FARS2: variants seen among roughly 807,000 people sequenced by gnomAD.
The protein encoded by FARS2 is phenylalanine--tRNA ligase, mitochondrial.
Under a neutral mutation model 46.4 loss-of-function variants are expected in FARS2, and 40 were observed. The observed-to-expected ratio is 0.86, with a 90% CI of 0.67 to 1.12. The LOEUF (loss-of-function observed/expected upper bound fraction) is 1.12. FARS2 is among the 50% of genes most tolerant of loss of function. The probability of loss-of-function intolerance (pLI) is 0.00; values close to 1 mark genes in which losing one functional copy is unlikely to be tolerated. For synonymous variants in FARS2, 234 were observed against 214.9 expected (o/e 1.09, Z -0.78); for missense variants, 513 against 567.9 (o/e 0.90, Z 0.98).
intron 5 of FARS2, among the ~76,000 whole-genome samples, chr6:5,573,380 C>T (rs1212393240): frequency 6.6e-6 from 1 of 152,204 alleles, no homozygotes; most frequent in Non-Finnish European, 1.5e-5. Flanking sequence ...CTTTCCCTTG[C>T]TCCTTTCTTT....
At position 5,399,377 on chromosome 6, in the gene FARS2, T is replaced by C. The variant is rs1214012206; in HGVS notation, c.613-5165T>C. The stretch of plus-strand genomic sequence containing the variant: ...TTTTGGTAGAGATGGTGTTTCACCA[T>C]GTTGGCCAGGCTGGTCTTGAACTCC... On this transcript the variant is annotated intron_variant, in intron 2 of 6. Coordinates refer to ENST00000274680, the MANE Select transcript of FARS2 (RefSeq NM_006567.5). 4.6e-5 allele frequency among the ~76,000 whole-genome samples: 7 copies of C among 152,164 alleles called. No homozygotes were observed. In the East Asian group the frequency reaches 7.7e-4, roughly 17 times the overall value.
At chr6:5,508,471 A>G (rs1768231828) in intron 4 of FARS2, among the ~76,000 whole-genome samples, 1 of 151,844 alleles carries the variant, frequency 6.6e-6, no homozygotes, top group Non-Finnish European at 1.5e-5. Context: ...CAGAATGCAG[A>G]GAGGCCAGGA....
At chr6:5,437,442 G>C (rs570783424) in intron 4 of FARS2, among the ~76,000 whole-genome samples, 2 of 152,236 alleles carry the variant, frequency 1.3e-5, no homozygotes, top group Non-Finnish European at 2.9e-5. Flanking sequence ...GCTCAGAAAA[G>C]AGTAAGATTT....
chr6:5,452,358 A>G (rs1358706413), intron 4 of FARS2: 1 of 152,374 alleles, frequency 6.6e-6, no homozygotes, highest in Non-Finnish European at 1.5e-5. Flanking sequence ...TGAGGTCCAC[A>G]TGGCCTTTTG....
chr6:5,444,474 A>G (rs1178726202), intron 4 of FARS2, among the ~76,000 whole-genome samples: 11 of 70,994 alleles, frequency 1.5e-4, no homozygotes, highest in African/African-American at 3.0e-4. Context: ...CTCAAAAAAA[A>G]AAAAAAAAAA....
At chr6:5,294,363 C>T (rs1022364552) in intron 1 of FARS2, among the ~76,000 whole-genome samples, 1 of 152,128 alleles carries the variant, frequency 6.6e-6, no homozygotes, top group Non-Finnish European at 1.5e-5. Context: ...AACTCTCTAA[C>T]TGCGTTTTTC....
chr6:5,660,359 G>A (rs1777793084), intron 6 of FARS2, among the ~76,000 whole-genome samples: 1 of 152,194 alleles, frequency 6.6e-6, no homozygotes, highest in Non-Finnish European at 1.5e-5. Flanking sequence ...AGAGCAGTGA[G>A]CAGGCTGGGC....
At chr6:5,650,284 CA>C (rs1777288873) in intron 6 of FARS2, among the ~76,000 whole-genome samples, 1 of 128,974 alleles carries the variant, frequency 7.8e-6, no homozygotes, top group African/African-American at 3.0e-5. Flanking sequence ...TTTTTTGAGA[CA>C]GAGTCTCAAA....
At chr6:5,366,578 G>A (rs1191639800) in intron 1 of FARS2, among the ~76,000 whole-genome samples, 1 of 152,104 alleles carries the variant, frequency 6.6e-6, no homozygotes, top group Non-Finnish European at 1.5e-5. Flanking sequence ...AACTTTCATC[G>A]GCAAGCTGGG....
chr6:5,583,212 G>GA (rs1289272753), intron 5 of FARS2, among the ~76,000 whole-genome samples: 2 of 152,164 alleles, frequency 1.3e-5, no homozygotes, highest in African/African-American at 4.8e-5. Flanking sequence ...TTAGCAATTA[G>GA]AACCTCTAAA....
At chr6:5,276,222 A>G (rs1209556098) in intron 1 of FARS2, among the ~76,000 whole-genome samples, 1 of 152,188 alleles carries the variant, frequency 6.6e-6, no homozygotes, top group Non-Finnish European at 1.5e-5. Context: ...GTCTGGGAAG[A>G]TTTATTGTGC....
rs574807429 is a variant in FARS2, at chr6:5,545,634, G to A, written c.1065+294G>A. 4.6e-5 allele frequency among the ~76,000 whole-genome samples: 7 copies of A among 151,974 alleles called. No individual in the cohort carries two copies. In the East Asian group the frequency reaches 5.8e-4, roughly 13 times the overall value. ...TGCCTGCCACCCCGCAACAGGCCCC[G>A]GTGTGTGATGTTCCCCTCCCTGTGT... is the stretch of plus-strand genomic sequence containing the variant. On this transcript the variant is annotated intron_variant, in intron 5 of 6. Coordinates refer to ENST00000274680, the MANE Select transcript of FARS2 (RefSeq NM_006567.5).
chr6:5,660,387 C>T (rs938424814), intron 6 of FARS2, among the ~76,000 whole-genome samples: 44 of 152,088 alleles, frequency 2.9e-4, no homozygotes, highest in African/African-American at 9.4e-4. Flanking sequence ...CTCACAGGCC[C>T]GTAATTCCAA....
Position 5,637,806 on chromosome 6 carries a change from C to T in FARS2, c.1217+24486C>T, listed in dbSNP as rs372595840. On this transcript the variant is annotated intron_variant, in intron 6 of 6. Transcript: ENST00000274680. ...TCTCCCTGTATCCTCACATGATCCC[C>T]GCTCCGTATGTGTCTGTGTCCTCCA... 2.8e-3 allele frequency among the ~76,000 whole-genome samples: 430 copies of T among 152,278 alleles called. 3 individuals carry two copies. The highest frequency in any genetic ancestry group is 9.7e-3 in the African/African-American group (403 of 41,552).
At chr6:5,362,231 T>TCAA (rs1758349628) in intron 1 of FARS2, among the ~76,000 whole-genome samples, 1 of 152,234 alleles carries the variant, frequency 6.6e-6, no homozygotes, top group South Asian at 2.1e-4. Context: ...CTGCCATTTA[T>TCAA]TGAGTACCTG....
intron 6 of FARS2, among the ~76,000 whole-genome samples, chr6:5,766,841 A>T (rs1054634348): frequency 6.6e-6 from 1 of 151,984 alleles, no homozygotes; most frequent in South Asian, 2.1e-4. Flanking sequence ...GGTAACCATC[A>T]GTCTGCCTTC....
chr6:5,633,642 G>A (rs186225476), intron 6 of FARS2, among the ~76,000 whole-genome samples: 3 of 152,146 alleles, frequency 2.0e-5, no homozygotes, highest in East Asian at 1.9e-4. Flanking sequence ...ACTTGCATAC[G>A]TATATACTAA....
intron 3 of FARS2, among the ~76,000 whole-genome samples, chr6:5,421,062 C>G (rs990932662): frequency 5.9e-5 from 9 of 152,190 alleles, no homozygotes; most frequent in African/African-American, 1.9e-4. Flanking sequence ...CATGAGAACT[C>G]CACCCCTACA....
rs149454677 is a variant in FARS2 at position 5,346,614 on chromosome 6, T to C, written c.-21-21936T>C. Among the ~76,000 whole-genome samples the C allele has an allele frequency of 3.3e-3, 501 of 152,322 alleles. 2 individuals are homozygous for C. The highest frequency in any genetic ancestry group is 0.012 in the African/African-American group (480 of 41,572). On this transcript the variant is annotated intron_variant, in intron 1 of 6. Coordinates refer to ENST00000274680, the MANE Select transcript of FARS2 (RefSeq NM_006567.5). ...CACCAACATTTTATTATGAAAAATT[T>C]CGAGCATACAGGAAAAGTTGAAAAA... is the stretch of plus-strand genomic sequence containing the variant.
Sources: allele counts gnomAD v4.1 joint callset (sites outside exome capture counted in the v4.1 genomes callset), GRCh38; gene constraint gnomAD v4.1.1; transcripts MANE v1.5; gene names NCBI Gene and HGNC (gene_info 2026-07-23, HGNC 2026-07-21).